PMF1: variants seen among roughly 807,000 people sequenced by gnomAD.
PMF1 encodes the protein polyamine modulated factor 1.
Under a neutral mutation model 26.7 loss-of-function variants are expected in PMF1, and 21 were observed. That is an observed-to-expected ratio of 0.79 (90% CI 0.56 to 1.13). The LOEUF is 1.13. Among genes scored for constraint, PMF1 ranks in the 50% most tolerant of loss-of-function variants. The probability of loss-of-function intolerance (pLI) is 0.00; values close to 1 mark genes in which losing one functional copy is unlikely to be tolerated. For missense variants in PMF1, 266 were observed against 254.9 expected (o/e 1.04, Z -0.30); for synonymous variants, 105 against 101.0 (o/e 1.04, Z -0.24).
intron 2 of PMF1, among the ~76,000 whole-genome samples, chr1:156,233,386 G>A (rs1324308849): frequency 1.4e-4 from 21 of 151,336 alleles, no homozygotes; most frequent in Admixed American, 1.4e-3. Context: ...CGAACTCCTG[G>A]TCTCAAGTGA....
At position 156,236,281 on chromosome 1, in the gene PMF1, C is replaced by T. The variant is rs1261816992; in HGVS notation, c.369-7C>T. The T allele has an allele frequency of 4.4e-6, 7 of 1,601,748 alleles. 1 individual carries two copies. In the Middle Eastern group the frequency reaches 5.0e-4, roughly 114 times the overall value. ...CTTCATTCCTTGTGCCCCGTGTGGCCCTCCAGGCGCCCCAGCGGGATCCCA... is the reference window on the plus strand; with the variant it reads ...CTTCATTCCTTGTGCCCCGTGTGGCTCTCCAGGCGCCCCAGCGGGATCCCA... On this transcript the variant is annotated splice_polypyrimidine_tract_variant and splice_region_variant and intron_variant, in intron 3 of 4. Coordinates refer to ENST00000368277, the MANE Select transcript of PMF1 (RefSeq NM_007221.4).
rs1427213753 is a variant in PMF1 at position 156,213,187 on chromosome 1, C to A, written c.161+11C>A. ...GGTCGCCGCCGGCAGGTAAAGTGGA[C>A]GCAGCCGCGGTGGGAGTGTTTGTTG... is the stretch of plus-strand genomic sequence containing the variant. On this transcript the variant is annotated intron_variant, in intron 1 of 4. Transcript: ENST00000368277. 1.2e-6 allele frequency: 2 copies of A among 1,611,622 alleles called. No individual in the cohort carries two copies. Among genetic ancestry groups the A allele is most frequent in the East Asian group, 2.2e-5 (1 of 44,806 alleles).
At chr1:156,228,254 C>T (rs182154205) in intron 1 of PMF1, among the ~76,000 whole-genome samples, 4,416 of 54,910 alleles carry the variant, frequency 0.08, 362 homozygotes, top group African/African-American at 0.23. Context: ...CCGCACCTGG[C>T]GATTTTTTTT....
At chr1:156,219,620 C>T (rs545780742) in intron 1 of PMF1, among the ~76,000 whole-genome samples, 2 of 152,304 alleles carry the variant, frequency 1.3e-5, no homozygotes, top group South Asian at 4.1e-4. Context: ...GGATTTTGCT[C>T]TGTTGCCCAG....
chr1:156,239,196 T>C (rs893800101), intron 4 of PMF1, among the ~76,000 whole-genome samples: 3 of 152,238 alleles, frequency 2.0e-5, no homozygotes, highest in African/African-American at 7.2e-5. Context: ...TCCATGTCTG[T>C]AACTCAACTG....
intron 4 of PMF1, 24 bp downstream of exon 4, chr1:156,236,507 C>T (rs2103131595): frequency 6.3e-7 from 1 of 1,580,506 alleles, no homozygotes; most frequent in Non-Finnish European, 8.6e-7. Context: ...CCTGCCTCTT[C>T]CTCTTCCTTC....
At chr1:156,229,628 T>A (rs528549913) in intron 1 of PMF1, among the ~76,000 whole-genome samples, 2 of 151,704 alleles carry the variant, frequency 1.3e-5, no homozygotes, top group East Asian at 3.9e-4. Flanking sequence ...TGGAGTGCAA[T>A]GGCGTGATCT....
At chr1:156,230,502 T>G (rs988445718) in intron 1 of PMF1, among the ~76,000 whole-genome samples, 1 of 152,136 alleles carries the variant, frequency 6.6e-6, no homozygotes. Flanking sequence ...AATACCCAGT[T>G]CCTGGTGGGT....
intron 1 of PMF1, among the ~76,000 whole-genome samples, chr1:156,227,813 T>C (rs1018915977): frequency 4.6e-5 from 7 of 151,850 alleles, no homozygotes; most frequent in Non-Finnish European, 8.8e-5. Context: ...TTTTTTTTTA[T>C]TGAGACAGGT....
chr1:156,231,873 G>C (rs151211068), intron 1 of PMF1, among the ~76,000 whole-genome samples: 62 of 152,308 alleles, frequency 4.1e-4, no homozygotes, highest in African/African-American at 1.4e-3. Context: ...CCTGCCGAGA[G>C]AGCATCAGTT....
chr1:156,234,173 A>G (rs1377033295), intron 3 of PMF1, among the ~76,000 whole-genome samples: 2 of 152,250 alleles, frequency 1.3e-5, no homozygotes, highest in Non-Finnish European at 2.9e-5. Flanking sequence ...AGGGACAAGT[A>G]GAGCAGACAG....
At chr1:156,236,187 G>A in intron 3 of PMF1, 101 bp from the exon 4 acceptor site, 1 of 1,502,474 alleles carries the variant, frequency 6.7e-7, no homozygotes, top group Non-Finnish European at 9.0e-7. Flanking sequence ...CCCAACTTGG[G>A]ACAAGGTGGG....
In PMF1 at chr1:156,232,088, C is replaced by T. The variant is rs375068622; in HGVS notation, c.162-232C>T. On this transcript the variant is annotated intron_variant, in intron 1 of 4. Coordinates refer to ENST00000368277, the MANE Select transcript of PMF1 (RefSeq NM_007221.4). ...AATCTTCAAGAGATAAACACTTAAA[C>T]TCACCTGGGGCTCTCCTAAGAAGGA... Among the ~76,000 whole-genome samples the T allele has an allele frequency of 1.1e-4, 17 of 152,320 alleles. No individual in the cohort carries two copies. The East Asian group carries it at 2.3e-3, about 21-fold the overall frequency.
rs1558186229 is a variant in PMF1 at position 156,213,050 on chromosome 1, G to C, written c.35G>C (p.Gly12Ala). Residue 12 changes from glycine to alanine, a missense_variant, in exon 1 of 5, where the codon GGC becomes GCC. Physicochemically the swap from Gly to Ala is moderately conservative, Grantham distance 60. Transcript: ENST00000368277. ...GCAAGTAGCGCCAATCTAGGCAGCGGCTGTGAGGAAAAAAGGCATGAGGGG... is the reference window on the plus strand; with the variant it reads ...GCAAGTAGCGCCAATCTAGGCAGCGCCTGTGAGGAAAAAAGGCATGAGGGG... ...AEASSANLGS[G>A]CEEKRHEGSS... is the part of the protein sequence containing the mutation. 2 of 1,614,242 alleles carry C rather than the reference G, an allele frequency of 1.2e-6. No individual in the cohort carries two copies. The highest frequency in any genetic ancestry group is 1.1e-5 in the South Asian group (1 of 91,090).
At chr1:156,221,823 A>T (rs368829899) in intron 1 of PMF1, among the ~76,000 whole-genome samples, 3 of 152,284 alleles carry the variant, frequency 2.0e-5, no homozygotes, top group East Asian at 3.9e-4. Flanking sequence ...AAGATTTGAG[A>T]GTCCTCATTG....
chr1:156,222,161 G>A (rs1286441090), intron 1 of PMF1, among the ~76,000 whole-genome samples: 1 of 152,196 alleles, frequency 6.6e-6, no homozygotes, highest in African/African-American at 2.4e-5. Context: ...CAGGGCCGTG[G>A]GAGTACAGCG....
rs115926505 is a variant in PMF1, at chr1:156,239,030, C to G, written c.565-518C>G. Among the ~76,000 whole-genome samples, 509 of 152,298 alleles carry G rather than the reference C, an allele frequency of 3.3e-3. 4 individuals carry two copies. Among genetic ancestry groups the G allele is most frequent in the African/African-American group, 0.012 (499 of 41,558 alleles). Reference sequence around the variant, plus strand: ...ATGAGGCCATGGGTCACTCCTGTCTCTGGGTCCTGGCTTCCAAATTGGCTA... The same window carrying G: ...ATGAGGCCATGGGTCACTCCTGTCTGTGGGTCCTGGCTTCCAAATTGGCTA... On this transcript the variant is annotated intron_variant, in intron 4 of 4. Coordinates refer to ENST00000368277, the MANE Select transcript of PMF1 (RefSeq NM_007221.4).
At chr1:156,223,403 C>T (rs561409768) in intron 1 of PMF1, 1 of 152,224 alleles carries the variant, frequency 6.6e-6, no homozygotes, top group South Asian at 2.1e-4. Flanking sequence ...TGTGTCTGGC[C>T]CTGCATGGAA....
intron 1 of PMF1, among the ~76,000 whole-genome samples, chr1:156,214,116 A>AT (rs756272467): frequency 4.1e-4 from 62 of 152,156 alleles, no homozygotes; most frequent in Non-Finnish European, 6.6e-4. Context: ...AGGTTTCACC[A>AT]TGTTGGCCAG....
Sources: allele counts gnomAD v4.1 joint callset (sites outside exome capture counted in the v4.1 genomes callset), GRCh38; gene constraint gnomAD v4.1.1; transcripts MANE v1.5; gene names NCBI Gene and HGNC (gene_info 2026-07-23, HGNC 2026-07-21).